MTAP: variants seen among roughly 807,000 people sequenced by gnomAD.
The protein encoded by MTAP is S-methyl-5'-thioadenosine phosphorylase.
Under a neutral mutation model 33.6 loss-of-function variants are expected in MTAP, and 33 were observed. The observed-to-expected ratio is 0.98, with a 90% CI of 0.74 to 1.31. MTAP has a LOEUF of 1.31. Among genes scored for constraint, MTAP ranks in the 40% most tolerant of loss-of-function variants. MTAP has a pLI of 0.00. For synonymous variants in MTAP, 148 were observed against 125.7 expected, an observed-to-expected ratio of 1.18 and a Z score of -1.19; for missense variants, 367 against 360.0, an observed-to-expected ratio of 1.02 and a Z score of -0.16.
At chr9:21,899,388 A>C (rs540499651) in intron 1 of MTAP, among the ~76,000 whole-genome samples, 21 of 150,458 alleles carry the variant, frequency 1.4e-4, no homozygotes, top group Admixed American at 5.3e-4. Flanking sequence ...ACAATAATGG[A>C]AGGAAGGAAG....
rs78747476 is a variant in MTAP at position 21,917,849 on chromosome 9, C to T, written c.148-13159C>T. On this transcript the variant is annotated intron_variant, in intron 1 of 1. Coordinates refer to the MTAP transcript ENST00000577563. ...ATATGGAACCAATCTAAGTGCCCATCGACCGAGTTGATAATAAAAATATGG... is the reference window on the plus strand; with the variant it reads ...ATATGGAACCAATCTAAGTGCCCATTGACCGAGTTGATAATAAAAATATGG... 2.8e-3 allele frequency among the ~76,000 whole-genome samples: 424 copies of T among 152,236 alleles called. 2 individuals carry two copies. Among genetic ancestry groups the T allele is most frequent in the African/African-American group, 9.8e-3 (407 of 41,534 alleles).
At chr9:21,921,908 T>G (rs1250316088) in intron 1 of MTAP, among the ~76,000 whole-genome samples, 1 of 152,054 alleles carries the variant, frequency 6.6e-6, no homozygotes, top group Non-Finnish European at 1.5e-5. Context: ...AGTAGGTAGT[T>G]AGGCAGACAT....
At chr9:21,811,702 G>C in intron 1 of MTAP, 1 of 531,952 alleles carries the variant, frequency 1.9e-6, no homozygotes, top group Admixed American at 1.9e-5. Context: ...CAGACACCAG[G>C]TCGTTCATGT....
At chr9:21,940,479 G>A (rs1819119479), downstream of MTAP, among the ~76,000 whole-genome samples, 1 of 152,166 alleles carries the variant, frequency 6.6e-6, no homozygotes, top group South Asian at 2.1e-4. Context: ...CTAGTTCACT[G>A]TCTTTGAGGT....
chr9:21,917,876 A>G (rs906166972), intron 1 of MTAP, among the ~76,000 whole-genome samples: 1 of 152,220 alleles, frequency 6.6e-6, no homozygotes, highest in African/African-American at 2.4e-5. Context: ...AAAATATGGT[A>G]TATATGTATA....
At chr9:21,849,777 GA>G (rs2118456684) in intron 5 of MTAP, among the ~76,000 whole-genome samples, 1 of 152,346 alleles carries the variant, frequency 6.6e-6, no homozygotes, top group African/African-American at 2.4e-5. Context: ...GGGTCTTGGG[GA>G]GAATGACAGT....
At chr9:21,940,154 C>T (rs1819113460), downstream of MTAP, among the ~76,000 whole-genome samples, 2 of 152,070 alleles carry the variant, frequency 1.3e-5, no homozygotes, top group Admixed American at 6.6e-5. Context: ...AGAGAATTCA[C>T]CCAAAATTAT....
At chr9:21,937,624 G>C (rs1819062496) in exon 8 of MTAP, 1 of 152,078 alleles carries the variant, frequency 6.6e-6, no homozygotes, top group African/African-American at 2.4e-5. Context: ...TGTTTTTACA[G>C]TTATTAAACT....
intron 5 of MTAP, among the ~76,000 whole-genome samples, chr9:21,850,950 C>G (rs558959084): frequency 2.6e-5 from 4 of 152,296 alleles, no homozygotes; most frequent in African/African-American, 9.6e-5. Flanking sequence ...AGTCAACAGG[C>G]TAAGAAGGGA....
chr9:21,824,289 GT>G (rs1824726788), intron 4 of MTAP, among the ~76,000 whole-genome samples: 1 of 152,138 alleles, frequency 6.6e-6, no homozygotes, highest in Non-Finnish European at 1.5e-5. Flanking sequence ...TGGTGTGGAT[GT>G]CCTTTCTGTT....
Position 21,866,274 on chromosome 9 carries a change from C to G in MTAP, c.*4260C>G, listed in dbSNP as rs1018400919. 6.6e-6 allele frequency: 1 copy of G among 152,052 alleles called. No individual in the cohort carries two copies. The highest frequency in any genetic ancestry group is 2.4e-5 in the African/African-American group (1 of 41,394). The allele number at this position is 152,052 out of a possible 1,614,324, so 9.4% of individuals were successfully genotyped here. A position where few individuals can be genotyped will look rare whatever the true frequency, so the allele number is the denominator to read the frequency against. On this transcript the variant is annotated 3_prime_UTR_variant, in exon 8 of 8. Transcript: ENST00000644715. ...GAATAGTAAGAATTGTTTATATATTCTGGATACACTCTTTTTCAGATATGT... is the reference window on the plus strand; with the variant it reads ...GAATAGTAAGAATTGTTTATATATTGTGGATACACTCTTTTTCAGATATGT...
chr9:21,813,082 G>C (rs189955060), intron 1 of MTAP, among the ~76,000 whole-genome samples: 1 of 152,200 alleles, frequency 6.6e-6, no homozygotes, highest in Non-Finnish European at 1.5e-5. Context: ...CACAAACTTA[G>C]AGACTCAAAG....
chr9:21,802,917 G>T, intron 1 of MTAP, 136 bp downstream of exon 1: 1 of 1,446,180 alleles, frequency 6.9e-7, no homozygotes, highest in Non-Finnish European at 9.0e-7. Flanking sequence ...ACTGGGGCGC[G>T]GCACTCGGGA....
intron 1 of MTAP, among the ~76,000 whole-genome samples, chr9:21,889,570 C>T (rs1167132075): frequency 6.6e-6 from 1 of 152,124 alleles, no homozygotes; most frequent in African/African-American, 2.4e-5. Context: ...TCTCTTGTCC[C>T]ATGGGGTGTT....
At chr9:21,929,976 A>T (rs967515179) in intron 1 of MTAP, 2 of 419,986 alleles carry the variant, frequency 4.8e-6, no homozygotes, top group African/African-American at 4.1e-5. Context: ...AGATTCCCCA[A>T]ACCTTCAAAT....
intron 5 of MTAP, among the ~76,000 whole-genome samples, chr9:21,838,467 A>G (rs1284607846): frequency 2.0e-5 from 3 of 152,240 alleles, no homozygotes; most frequent in East Asian, 1.9e-4. Flanking sequence ...GGGATGAGAG[A>G]GTTAATACTT....
At chr9:21,929,283 C>T (rs576661733) in intron 1 of MTAP, among the ~76,000 whole-genome samples, 4 of 152,262 alleles carry the variant, frequency 2.6e-5, no homozygotes, top group African/African-American at 9.6e-5. Context: ...ATAAGTAATG[C>T]CCCCTCAACA....
At chr9:21,902,060 A>T (rs1818401572) in intron 1 of MTAP, among the ~76,000 whole-genome samples, 2 of 152,232 alleles carry the variant, frequency 1.3e-5, no homozygotes. Context: ...GGCAAGGAAC[A>T]GGTGCCATCT....
rs1230978374 is a variant in MTAP, at chr9:21,862,666, C to G, written c.*652C>G. The G allele has an allele frequency of 6.6e-6, 1 of 152,400 alleles. No individual in the cohort carries two copies. Among genetic ancestry groups the G allele is most frequent in the Non-Finnish European group, 1.5e-5 (1 of 68,302 alleles). The allele number at this position is 152,400 out of a possible 1,614,324, so 9.4% of individuals were successfully genotyped here. ...GATTGTGAATCAGCCAACTGAAAATCCTTTTTGCATATTTCAATGTCCTAA... is the reference window on the plus strand; with the variant it reads ...GATTGTGAATCAGCCAACTGAAAATGCTTTTTGCATATTTCAATGTCCTAA... On this transcript the variant is annotated 3_prime_UTR_variant, in exon 8 of 8. Coordinates refer to ENST00000644715, the MANE Select transcript of MTAP (RefSeq NM_002451.4).
Sources: allele counts gnomAD v4.1 joint callset (sites outside exome capture counted in the v4.1 genomes callset), GRCh38; gene constraint gnomAD v4.1.1; transcripts MANE v1.5; gene names NCBI Gene and HGNC (gene_info 2026-07-23, HGNC 2026-07-21).